ZNF276: variants seen among roughly 807,000 people sequenced by gnomAD.
ZNF276 encodes the protein zinc finger protein 276, also known as centromere protein Z.
Under a neutral mutation model 63.9 loss-of-function variants are expected in ZNF276, and 59 were observed. The ratio of observed to expected loss-of-function variants is 0.92; its 90% CI spans 0.75 to 1.15. The LOEUF is 1.15. Ranked by LOEUF, ZNF276 falls within the 50% of genes most tolerant of loss-of-function variation. The pLI, the probability that ZNF276 is intolerant of heterozygous loss-of-function variation, is 0.00. For synonymous variants in ZNF276, 496 were observed against 348.4 expected (o/e 1.42, Z -4.72); for missense variants, 1,084 against 843.8 (o/e 1.28, Z -3.53).
chr16:89,728,642 T>A (rs1043896313), intron 5 of ZNF276, among the ~76,000 whole-genome samples: 1 of 152,090 alleles, frequency 6.6e-6, no homozygotes, highest in African/African-American at 2.4e-5. Context: ...GACCTCGTGA[T>A]CCGCCCGCCT....
intron 4 of ZNF276, among the ~76,000 whole-genome samples, chr16:89,724,524 G>A (rs928488903): frequency 6.6e-6 from 1 of 152,222 alleles, no homozygotes; most frequent in African/African-American, 2.4e-5. Flanking sequence ...GTGGGCATCT[G>A]TAATCCCAGC....
rs2151688540 is a variant in ZNF276 at position 89,732,257 on chromosome 16, G to C, written c.1170-1045G>C. 3 of 152,402 alleles carry C rather than the reference G, an allele frequency of 2.0e-5. No individual in the cohort carries two copies. The South Asian group carries it at 6.2e-4, about 32-fold the overall frequency. 9.4% of individuals were successfully genotyped at this position (152,402 alleles called of 1,614,324 possible). A position where few individuals can be genotyped will look rare whatever the true frequency, so the allele number is the denominator to read the frequency against. On this transcript the variant is annotated intron_variant, in intron 6 of 10. Transcript: ENST00000443381. ...AGACCAACTAAAATGCACGACCCCA[G>C]ACTTTTGGAGGACAAGGTCTCCTGC...
Position 89,733,415 on chromosome 16 carries a change from G to T in ZNF276, c.1280+3G>T. ...AAGAAGAAGCTTCGTTGTGAGAGGT[G>T]ATGCCTGCAACGCGAGGCTCGCCCT... On this transcript the variant is annotated splice_donor_region_variant and intron_variant, in intron 7 of 10. Coordinates refer to ENST00000443381, the MANE Select transcript of ZNF276 (RefSeq NM_001113525.2). 2 of 1,614,192 alleles carry T rather than the reference G, an allele frequency of 1.2e-6. No individual in the cohort carries two copies. Among genetic ancestry groups the T allele is most frequent in the Non-Finnish European group, 1.7e-6 (2 of 1,180,038 alleles).
chr16:89,722,940 G>A, intron 2 of ZNF276, 106 bp downstream of exon 2: 1 of 1,556,020 alleles, frequency 6.4e-7, no homozygotes, highest in Admixed American at 1.8e-5. Flanking sequence ...TGGGTGGGGG[G>A]AATGGGCCAT....
chr16:89,737,762 T>C lies in ZNF276; in HGVS notation c.1475-44T>C, dbSNP rs564745463. 2.6e-5 allele frequency: 42 copies of C among 1,610,268 alleles called. 1 individual carries two copies. The South Asian group carries it at 4.1e-4, about 16-fold the overall frequency. ...TTGTCATCGTCGTCCCCCCGGGAGG[T>C]TGGAGCATCAGGGGCCTGGACTCAC... is the stretch of plus-strand genomic sequence containing the variant. On this transcript the variant is annotated intron_variant, in intron 9 of 10. Transcript: ENST00000443381.
Position 89,740,921 on chromosome 16 carries a change from C to G in ZNF276, c.*2675C>G, listed in dbSNP as rs553160450. On this transcript the variant is annotated 3_prime_UTR_variant, in exon 11 of 11. Transcript: ENST00000443381. ...CATTAAAATTACCTGTGCTGTCATT[C>G]TAAATAAGGCTGACACATTCCTCTT... is the stretch of plus-strand genomic sequence containing the variant. 2.8e-4 allele frequency: 401 copies of G among 1,455,428 alleles called. 6 individuals carry two copies. In the South Asian group the frequency reaches 4.4e-3, roughly 16 times the overall value. 90.2% of individuals were successfully genotyped at this position (1,455,428 alleles called of 1,614,324 possible).
rs542547511 is a variant in ZNF276, at chr16:89,735,219, A to C, written c.1474+1181A>C. ...GTATTCAGAGGGCTGCCTTTTCCTA[A>C]GTGCAGGTTCTGTAGGGTCTTTGCA... is the stretch of plus-strand genomic sequence containing the variant. On this transcript the variant is annotated intron_variant, in intron 9 of 10. Transcript: ENST00000443381. Among the ~76,000 whole-genome samples, 29 of 149,514 alleles carry C rather than the reference A, an allele frequency of 1.9e-4. 1 individual carries two copies. The East Asian group carries it at 2.0e-3, about 10-fold the overall frequency.
upstream of ZNF276, chr16:89,720,635 C>A: frequency 1.6e-6 from 2 of 1,226,886 alleles, no homozygotes; most frequent in Non-Finnish European, 2.0e-6. Flanking sequence ...GGAACCGCGG[C>A]CCGGGATCCC....
chr16:89,730,281 T>A (rs1319341969), intron 6 of ZNF276, among the ~76,000 whole-genome samples: 3 of 152,110 alleles, frequency 2.0e-5, no homozygotes, highest in Non-Finnish European at 4.4e-5. Context: ...CCAGGCTTGT[T>A]CCCAGGAGTC....
chr16:89,739,435 G>T lies in ZNF276; in HGVS notation c.*1189G>T, dbSNP rs2062065494. ...CCAGAGGTGCTGAGATGGGGGTCTG[G>T]GAAACACTGCCCAGCCCTGACCAGC... On this transcript the variant is annotated 3_prime_UTR_variant, in exon 11 of 11. Coordinates refer to ENST00000443381, the MANE Select transcript of ZNF276 (RefSeq NM_001113525.2). 11 of 1,554,324 alleles carry T rather than the reference G, an allele frequency of 7.1e-6. No homozygotes were observed. Among genetic ancestry groups the T allele is most frequent in the Non-Finnish European group, 8.7e-6 (10 of 1,148,452 alleles).
chr16:89,738,060 C>A lies in ZNF276; in HGVS notation c.1659C>A (p.Asp553Glu). Reference sequence around the variant, plus strand: ...AACACAAGGCTGAGACTGAGCTGGACTTTGCCTGTGACCAGTGTGGCCGGC... The same window carrying A: ...AACACAAGGCTGAGACTGAGCTGGAATTTGCCTGTGACCAGTGTGGCCGGC... ...MTKHKAETELDFACDQCGRRF... is the reference protein window; with the variant it reads ...MTKHKAETELEFACDQCGRRF... The change falls in exon 11 of 11, where the codon GAC becomes GAA. Residue 553 changes from aspartate (D) to glutamate (E), a missense_variant. By Grantham distance (45) the Asp-to-Glu change is conservative (BLOSUM62 2). Transcript: ENST00000443381. 1 of 1,614,150 alleles carries A rather than the reference C, an allele frequency of 6.2e-7. No homozygotes were observed. The highest frequency in any genetic ancestry group is 1.3e-5 in the African/African-American group (1 of 75,056).
intron 4 of ZNF276, among the ~76,000 whole-genome samples, chr16:89,725,809 CAAAG>C (rs559140321): frequency 6.6e-5 from 10 of 152,152 alleles, no homozygotes; most frequent in Non-Finnish European, 1.0e-4. Flanking sequence ...AAAAACAAAA[CAAAG>C]AAAACTTATT....
At chr16:89,728,214 T>G (rs2061526502) in intron 5 of ZNF276, among the ~76,000 whole-genome samples, 2 of 151,460 alleles carry the variant, frequency 1.3e-5, no homozygotes, top group Admixed American at 6.6e-5. Context: ...TTTTTTTTTT[T>G]TTTTTTTCCT....
chr16:89,734,141 C>T (rs1003334921), intron 9 of ZNF276, 103 bp downstream of exon 9: 17 of 1,107,314 alleles, frequency 1.5e-5, no homozygotes, highest in East Asian at 4.9e-5. Flanking sequence ...GTTGGGGGTG[C>T]GTGAAGGTGG....
intron 9 of ZNF276, chr16:89,737,500 A>T (rs1894281433): frequency 2.6e-6 from 1 of 381,756 alleles, no homozygotes. Flanking sequence ...CAGCCTGGGT[A>T]ACAGAGCGAA....
In ZNF276 at chr16:89,737,763, T is replaced by C. The variant is rs758745191; in HGVS notation, c.1475-43T>C. The C allele has an allele frequency of 9.3e-6, 15 of 1,611,216 alleles. No homozygotes were observed. The East Asian group carries it at 3.1e-4, about 34-fold the overall frequency. On this transcript the variant is annotated intron_variant, in intron 9 of 10. Transcript: ENST00000443381. ...TGTCATCGTCGTCCCCCCGGGAGGT[T>C]GGAGCATCAGGGGCCTGGACTCACT...
Position 89,733,935 on chromosome 16 carries a change from G to C in ZNF276, c.1371G>C (p.Glu457Asp), listed in dbSNP as rs2061762841. The C allele has an allele frequency of 8.1e-6, 13 of 1,613,870 alleles. No individual in the cohort carries two copies. The highest frequency in any genetic ancestry group is 1.1e-5 in the Non-Finnish European group (13 of 1,179,968). Residue 457 changes from glutamate to aspartate, a missense_variant, in exon 9 of 11, where the codon GAG (glutamate) becomes GAC (aspartate). Coordinates refer to ENST00000443381, the MANE Select transcript of ZNF276 (RefSeq NM_001113525.2). Reference sequence around the variant, plus strand: ...CTCTCCTTCAGAAGCACATCAAGGAGCACCACGAGGAGGTCCGGGAGCGGC... The same window carrying C: ...CTCTCCTTCAGAAGCACATCAAGGACCACCACGAGGAGGTCCGGGAGCGGC... ...GADGMKKHIKEHHEEVRERPC... is the reference protein window; with the variant it reads ...GADGMKKHIKDHHEEVRERPC...
intron 9 of ZNF276, among the ~76,000 whole-genome samples, chr16:89,737,165 C>G (rs889666883): frequency 2.0e-5 from 3 of 152,118 alleles, no homozygotes; most frequent in Non-Finnish European, 2.9e-5. Context: ...GAGATGAATT[C>G]TAGAGAACAG....
chr16:89,737,262 A>G (rs2077155), intron 9 of ZNF276, among the ~76,000 whole-genome samples: 105,473 of 152,076 alleles, frequency 0.69, 37,771 homozygotes, highest in East Asian at 0.99. Context: ...TGGCTCACAC[A>G]TGTAATCCCA....
Sources: allele counts gnomAD v4.1 joint callset (sites outside exome capture counted in the v4.1 genomes callset), GRCh38; gene constraint gnomAD v4.1.1; transcripts MANE v1.5; gene names NCBI Gene and HGNC (gene_info 2026-07-23, HGNC 2026-07-21).